The following GRID1 variants were observed in gnomAD, a reference collection of about 807,000 sequenced individuals.
GRID1 encodes glutamate ionotropic receptor delta type subunit 1, also known as glutamate receptor ionotropic, delta-1.
GRID1 carries 28 observed loss-of-function variants against 98.0 expected under a neutral mutation model. That is an observed-to-expected ratio of 0.29 (90% CI 0.21 to 0.39). The LOEUF (loss-of-function observed/expected upper bound fraction) is 0.39, where lower values mean the gene tolerates loss of function less well. Ranked by LOEUF, GRID1 falls within the 10% of genes least tolerant of loss-of-function variation. The probability of loss-of-function intolerance (pLI) is 1.00; values close to 1 mark genes in which losing one functional copy is unlikely to be tolerated. For synonymous variants in GRID1, 553 were observed against 538.5 expected, an observed-to-expected ratio of 1.03 and a Z score of -0.37; for missense variants, 1,111 against 1,340.5, an observed-to-expected ratio of 0.83 and a Z score of 2.67.
intron 8 of GRID1, among the ~76,000 whole-genome samples, chr10:85,743,872 C>T (rs1398204208): frequency 6.6e-6 from 1 of 152,036 alleles, no homozygotes; most frequent in South Asian, 2.1e-4. Flanking sequence ...CTCTTAATTG[C>T]ATGTCATAAT....
intron 3 of GRID1, among the ~76,000 whole-genome samples, chr10:86,168,585 G>T (rs1242035589): frequency 6.6e-6 from 1 of 152,202 alleles, no homozygotes; most frequent in Non-Finnish European, 1.5e-5. Context: ...TCTGAGCCAA[G>T]TGCCCACTGC....
At chr10:85,721,295 C>T (rs1841699702) in intron 12 of GRID1, among the ~76,000 whole-genome samples, 1 of 152,182 alleles carries the variant, frequency 6.6e-6, no homozygotes, top group South Asian at 2.1e-4. Flanking sequence ...TACTTTCTTA[C>T]AATACCCAAC....
chr10:86,037,279 A>G (rs1010638178), intron 4 of GRID1, among the ~76,000 whole-genome samples: 2 of 152,196 alleles, frequency 1.3e-5, no homozygotes, highest in East Asian at 3.9e-4. Context: ...TTGAGGTGGT[A>G]TGAAATAAGG....
At chr10:85,955,204 C>T (rs1458584913) in intron 4 of GRID1, among the ~76,000 whole-genome samples, 1 of 152,132 alleles carries the variant, frequency 6.6e-6, no homozygotes, top group Non-Finnish European at 1.5e-5. Context: ...GAAGAACTTA[C>T]TCACTCAGTA....
At position 86,204,992 on chromosome 10, in the gene GRID1, G is replaced by C. The variant is rs1216262322; in HGVS notation, c.520+1372C>G. 2.6e-5 allele frequency among the ~76,000 whole-genome samples: 4 copies of C among 151,240 alleles called. No homozygotes were observed. In the East Asian group the frequency reaches 5.8e-4, roughly 22 times the overall value. ...ACCAAGGGCCAGGGACTGAGCAGGA[G>C]TGGGAGGGTGGGAGGGAGAGGCCAG... On this transcript the variant is annotated intron_variant, in intron 3 of 15. Transcript: ENST00000327946.
intron 4 of GRID1, among the ~76,000 whole-genome samples, chr10:86,093,434 G>A (rs570581328): frequency 2.7e-3 from 403 of 147,570 alleles, no homozygotes; most frequent in Non-Finnish European, 5.0e-3. Context: ...TCTTTGAAAA[G>A]ATAAATAAAA....
At chr10:86,138,066 C>CCA (rs1304760317) in intron 4 of GRID1, among the ~76,000 whole-genome samples, 1 of 152,140 alleles carries the variant, frequency 6.6e-6, no homozygotes, top group East Asian at 1.9e-4. Context: ...CCCAGGCATA[C>CCA]CACATCCCCA....
intron 8 of GRID1, among the ~76,000 whole-genome samples, chr10:85,780,980 G>A (rs1842376105): frequency 6.6e-6 from 1 of 152,202 alleles, no homozygotes. Flanking sequence ...GAACACCAGA[G>A]TGCTTGGAAA....
chr10:86,304,344 C>G (rs1434363243), intron 2 of GRID1, among the ~76,000 whole-genome samples: 1 of 152,242 alleles, frequency 6.6e-6, no homozygotes, highest in Admixed American at 6.5e-5. Context: ...CCTCTTCCTG[C>G]CCCTGGACAC....
intron 4 of GRID1, among the ~76,000 whole-genome samples, chr10:85,953,664 G>T (rs951542678): frequency 6.6e-6 from 1 of 152,112 alleles, no homozygotes; most frequent in African/African-American, 2.4e-5. Context: ...ACCCCTCTCT[G>T]CTGCTTCAGC....
intron 8 of GRID1, among the ~76,000 whole-genome samples, chr10:85,813,880 C>T (rs948540120): frequency 2.0e-5 from 3 of 151,650 alleles, no homozygotes; most frequent in African/African-American, 7.3e-5. Context: ...ATAGGGACCT[C>T]CATGCTAGAA....
At chr10:85,698,340 C>T (rs1170145737) in intron 12 of GRID1, among the ~76,000 whole-genome samples, 2 of 152,184 alleles carry the variant, frequency 1.3e-5, no homozygotes, top group Non-Finnish European at 2.9e-5. Flanking sequence ...TAGCCCTGCC[C>T]AATTCATATT....
chr10:85,644,879 C>T (rs1301045866), intron 13 of GRID1, among the ~76,000 whole-genome samples: 1 of 152,186 alleles, frequency 6.6e-6, no homozygotes, highest in Non-Finnish European at 1.5e-5. Context: ...CTTTATGGTC[C>T]TGATTTGTAT....
intron 8 of GRID1, among the ~76,000 whole-genome samples, chr10:85,811,873 A>G (rs1842674833): frequency 6.6e-6 from 1 of 152,164 alleles, no homozygotes; most frequent in Non-Finnish European, 1.5e-5. Context: ...CAAATAGATT[A>G]AACACAAACA....
At position 86,338,303 on chromosome 10, in the gene GRID1, C is replaced by T. The variant is rs531661497; in HGVS notation, c.235+25638G>A. Among the ~76,000 whole-genome samples the T allele has an allele frequency of 1.9e-3, 296 of 152,136 alleles. 3 individuals are homozygous for T. In the South Asian group the frequency reaches 0.025, roughly 13 times the overall value. ...AGTCCTCTGAAGACCTCTTTCCCCTCGAGTGGAAAGGGAATGTGGTCTTTT... is the reference window on the plus strand; with the variant it reads ...AGTCCTCTGAAGACCTCTTTCCCCTTGAGTGGAAAGGGAATGTGGTCTTTT... On this transcript the variant is annotated intron_variant, in intron 2 of 15. Transcript: ENST00000327946.
chr10:85,952,407 C>A (rs74740550), intron 4 of GRID1, among the ~76,000 whole-genome samples: 1 of 152,162 alleles, frequency 6.6e-6, no homozygotes, highest in Non-Finnish European at 1.5e-5. Flanking sequence ...ATTAGCAATG[C>A]CATGTTTTAG....
At chr10:86,280,772 C>T (rs1847346740) in intron 2 of GRID1, among the ~76,000 whole-genome samples, 1 of 152,214 alleles carries the variant, frequency 6.6e-6, no homozygotes, top group African/African-American at 2.4e-5. Flanking sequence ...TCACTGCTCC[C>T]CATACCTCCT....
rs1396239531 is a variant in GRID1, at chr10:86,227,614, C to A, written c.236-20966G>T. 1.2e-4 allele frequency among the ~76,000 whole-genome samples: 19 copies of A among 152,114 alleles called. 1 individual carries two copies. The highest frequency in any genetic ancestry group is 1.2e-3 in the Admixed American group (19 of 15,284). Reference sequence around the variant, plus strand: ...GTCCCTTCCCAATACCTGCTCCCACCCCATTCCTTACTCTGCTGTCCTTCC... The same window carrying A: ...GTCCCTTCCCAATACCTGCTCCCACACCATTCCTTACTCTGCTGTCCTTCC... On this transcript the variant is annotated intron_variant, in intron 2 of 15. Coordinates refer to ENST00000327946, the MANE Select transcript of GRID1 (RefSeq NM_017551.3).
chr10:85,825,928 G>A (rs7083810), intron 8 of GRID1, among the ~76,000 whole-genome samples: 22,451 of 151,812 alleles, frequency 0.15, 1,929 homozygotes, highest in African/African-American at 0.21. Flanking sequence ...ATAAATTAAG[G>A]TAAAAAAGAA....
Sources: allele counts gnomAD v4.1 joint callset (sites outside exome capture counted in the v4.1 genomes callset), GRCh38; gene constraint gnomAD v4.1.1; transcripts MANE v1.5; gene names NCBI Gene and HGNC (gene_info 2026-07-23, HGNC 2026-07-21).